HMGCLL1: variants seen among roughly 807,000 people sequenced by gnomAD.
HMGCLL1 encodes 3-hydroxymethyl-3-methylglutaryl-CoA lyase, cytoplasmic.
HMGCLL1 carries 36 observed loss-of-function variants against 39.1 expected under a neutral mutation model. The observed-to-expected ratio is 0.92, with a 90% CI of 0.71 to 1.22. The LOEUF is 1.22. Ranked by LOEUF, HMGCLL1 falls within the 50% of genes most tolerant of loss-of-function variation. The pLI is 0.00. For missense variants in HMGCLL1, 451 were observed against 416.5 expected (o/e 1.08, Z -0.72); for synonymous variants, 149 against 144.0 (o/e 1.03, Z -0.25).
chr6:55,505,712 A>C (rs1267000092), intron 5 of HMGCLL1, among the ~76,000 whole-genome samples: 1 of 151,686 alleles, frequency 6.6e-6, no homozygotes, highest in East Asian at 1.9e-4. Context: ...TAGAAAAAAA[A>C]TTTCATGTAA....
At chr6:55,477,181 AT>A (rs763031065) in intron 7 of HMGCLL1, among the ~76,000 whole-genome samples, 7,795 of 37,672 alleles carry the variant, frequency 0.21, 1,334 homozygotes, top group African/African-American at 0.3. Context: ...TATATATTAT[AT>A]TTATATATTA....
At chr6:55,573,723 G>A (rs1240816278) in intron 1 of HMGCLL1, among the ~76,000 whole-genome samples, 1 of 152,002 alleles carries the variant, frequency 6.6e-6, no homozygotes, top group Non-Finnish European at 1.5e-5. Flanking sequence ...TCTTCAAATT[G>A]TAGGCCTAAC....
At chr6:55,492,909 G>A (rs1036890986) in intron 7 of HMGCLL1, among the ~76,000 whole-genome samples, 1 of 151,964 alleles carries the variant, frequency 6.6e-6, no homozygotes, top group African/African-American at 2.4e-5. Context: ...CAATTAGACA[G>A]ACAGTCTAGT....
At chr6:55,671,747 T>C in the HMGCLL1 span, among the ~76,000 whole-genome samples, 2 of 151,834 alleles carry the variant, frequency 1.3e-5, 1 homozygote, top group Non-Finnish European at 2.9e-5. Context: ...TATAAGCTGC[T>C]GAAATTTGGG....
intron 3 of HMGCLL1, among the ~76,000 whole-genome samples, chr6:55,536,834 G>T (rs1345524712): frequency 6.6e-6 from 1 of 151,932 alleles, no homozygotes; most frequent in Non-Finnish European, 1.5e-5. Flanking sequence ...AACAGTAGGA[G>T]GGAAACTGTA....
At chr6:55,584,898 T>C in the HMGCLL1 span, among the ~76,000 whole-genome samples, 1 of 151,810 alleles carries the variant, frequency 6.6e-6, no homozygotes, top group South Asian at 2.1e-4. Context: ...TGGTACAGCC[T>C]TAAACAATAA....
chr6:55,600,309 T>G, the HMGCLL1 span, among the ~76,000 whole-genome samples: 1 of 152,168 alleles, frequency 6.6e-6, no homozygotes, highest in South Asian at 2.1e-4. Context: ...TTGCTTAAAC[T>G]AACTTCTTGA....
At chr6:55,526,736 G>A (rs918177974) in intron 3 of HMGCLL1, among the ~76,000 whole-genome samples, 4 of 151,864 alleles carry the variant, frequency 2.6e-5, no homozygotes, top group Non-Finnish European at 5.9e-5. Flanking sequence ...TCTTTATGTG[G>A]TATCCTTTTA....
At position 55,496,544 on chromosome 6, in the gene HMGCLL1, G is replaced by A. The variant is rs1403410606; in HGVS notation, c.607-937C>T. Among the ~76,000 whole-genome samples, 71 of 152,124 alleles carry A rather than the reference G, an allele frequency of 4.7e-4. 1 individual carries two copies. The highest frequency in any genetic ancestry group is 7.4e-5 in the Non-Finnish European group (5 of 68,020). On this transcript the variant is annotated intron_variant, in intron 6 of 8. Coordinates refer to ENST00000274901, the MANE Select transcript of HMGCLL1 (RefSeq NM_001042406.2). ...GATGCTAATCATCTCTGTATGAACA[G>A]TTCATCTTTCCAGTAAATTGCATAT...
intron 3 of HMGCLL1, among the ~76,000 whole-genome samples, chr6:55,516,926 T>C (rs761299405): frequency 5.3e-5 from 8 of 152,088 alleles, no homozygotes; most frequent in Non-Finnish European, 8.8e-5. Flanking sequence ...GAAATACTCC[T>C]GAGACTGGGG....
At chr6:55,465,020 A>G (rs1764738229) in intron 7 of HMGCLL1, among the ~76,000 whole-genome samples, 1 of 152,202 alleles carries the variant, frequency 6.6e-6, no homozygotes, top group Non-Finnish European at 1.5e-5. Flanking sequence ...TAAGATACCA[A>G]ATTCATTCAT....
intron 3 of HMGCLL1, among the ~76,000 whole-genome samples, chr6:55,532,085 A>C (rs1768719866): frequency 6.6e-6 from 1 of 152,080 alleles, no homozygotes; most frequent in Non-Finnish European, 1.5e-5. Context: ...AAGCCTGGGG[A>C]CCTCTGAAGT....
At chr6:55,571,660 T>A (rs1159768085) in intron 1 of HMGCLL1, among the ~76,000 whole-genome samples, 1 of 150,156 alleles carries the variant, frequency 6.7e-6, no homozygotes, top group African/African-American at 2.5e-5. Flanking sequence ...AAAAAAAAAA[T>A]TAGCCGGGCA....
intron 5 of HMGCLL1, among the ~76,000 whole-genome samples, chr6:55,502,586 T>G (rs1400035749): frequency 6.6e-6 from 1 of 151,760 alleles, no homozygotes; most frequent in Non-Finnish European, 1.5e-5. Flanking sequence ...AATCTGTTGT[T>G]CCCTTTGGCG....
chr6:55,633,370 G>T, the HMGCLL1 span, among the ~76,000 whole-genome samples: 1 of 151,928 alleles, frequency 6.6e-6, no homozygotes, highest in South Asian at 2.1e-4. Flanking sequence ...GAAAAGGGAA[G>T]TATAGAGTAG....
At chr6:55,618,375 A>G in the HMGCLL1 span, among the ~76,000 whole-genome samples, 1 of 152,038 alleles carries the variant, frequency 6.6e-6, no homozygotes. Flanking sequence ...GGTGGCCTAT[A>G]GAGCAAATCA....
At chr6:55,458,458 G>A (rs1285116738) in intron 7 of HMGCLL1, among the ~76,000 whole-genome samples, 1 of 152,162 alleles carries the variant, frequency 6.6e-6, no homozygotes, top group Non-Finnish European at 1.5e-5. Context: ...TTCTGATGAA[G>A]GAGTATTTGA....
At chr6:55,629,342 A>C in the HMGCLL1 span, among the ~76,000 whole-genome samples, 1 of 152,250 alleles carries the variant, frequency 6.6e-6, no homozygotes, top group Admixed American at 6.5e-5. Flanking sequence ...GAGAGAGATG[A>C]TTTAGTATAT....
upstream of HMGCLL1, among the ~76,000 whole-genome samples, chr6:55,581,408 C>A (rs1222663660): frequency 6.6e-6 from 1 of 151,590 alleles, no homozygotes; most frequent in South Asian, 2.1e-4. Context: ...TCTTAAAGAC[C>A]AAATATCTTA....
Sources: gnomAD v4.1 joint callset for allele counts (sites outside exome capture counted in the v4.1 genomes callset) on GRCh38, gnomAD v4.1.1 for gene constraint, MANE v1.5 for transcripts, NCBI Gene and HGNC (gene_info 2026-07-23, HGNC 2026-07-21) for gene names.